KCNIP4: variants seen among roughly 807,000 people sequenced by gnomAD.
The protein encoded by KCNIP4 is Kv channel-interacting protein 4.
A neutral mutation model predicts 34.0 loss-of-function variants in KCNIP4; 12 were observed. The ratio of observed to expected loss-of-function variants is 0.35; its 90% confidence interval spans 0.23 to 0.57. KCNIP4 has a LOEUF of 0.57. Among genes scored for constraint, KCNIP4 ranks in the 20% least tolerant of loss-of-function variants. The pLI, the probability that KCNIP4 is intolerant of heterozygous loss-of-function variation, is 0.83. For missense variants in KCNIP4, 238 were observed against 311.7 expected, an observed-to-expected ratio of 0.76 and a Z score of 1.78; for synonymous variants, 124 against 102.2, an observed-to-expected ratio of 1.21 and a Z score of -1.29.
chr4:20,789,279 C>T (rs1712419722), intron 3 of KCNIP4, among the ~76,000 whole-genome samples: 1 of 152,034 alleles, frequency 6.6e-6, no homozygotes, highest in South Asian at 2.1e-4. Context: ...CCATTTTTAT[C>T]CTCTAAGAAA....
chr4:20,914,657 A>G (rs1025005020), intron 1 of KCNIP4, among the ~76,000 whole-genome samples: 2 of 152,104 alleles, frequency 1.3e-5, no homozygotes, highest in African/African-American at 4.8e-5. Flanking sequence ...GCACTTAGAG[A>G]TGTGTTGTTT....
intron 1 of KCNIP4, among the ~76,000 whole-genome samples, chr4:21,167,343 A>T (rs1011850000): frequency 4.6e-5 from 7 of 152,236 alleles, no homozygotes; most frequent in Non-Finnish European, 1.0e-4. Context: ...AATTTGTTGT[A>T]TGTCAAGTAT....
chr4:21,910,886 C>T (rs890965573), intron 1 of KCNIP4, among the ~76,000 whole-genome samples: 6 of 152,082 alleles, frequency 3.9e-5, no homozygotes, highest in Admixed American at 3.3e-4. Context: ...GGGGCCGAGG[C>T]CATTCATTTA....
intron 1 of KCNIP4, among the ~76,000 whole-genome samples, chr4:21,278,846 C>T (rs963859718): frequency 2.0e-5 from 3 of 152,030 alleles, no homozygotes; most frequent in Admixed American, 6.6e-5. Flanking sequence ...CAAAAAGATG[C>T]CATTTTTACT....
intron 1 of KCNIP4, among the ~76,000 whole-genome samples, chr4:21,655,218 C>T (rs557024367): frequency 6.6e-6 from 1 of 152,154 alleles, no homozygotes; most frequent in East Asian, 1.9e-4. Flanking sequence ...TGTTAAAATG[C>T]AGATTTATTT....
chr4:21,628,173 A>G (rs547690542), intron 1 of KCNIP4, among the ~76,000 whole-genome samples: 1 of 152,298 alleles, frequency 6.6e-6, no homozygotes, highest in African/African-American at 2.4e-5. Flanking sequence ...TTAGAAAAAG[A>G]TATTTCCCCA....
At chr4:21,945,798 G>A (rs1730480233) in intron 1 of KCNIP4, among the ~76,000 whole-genome samples, 1 of 151,662 alleles carries the variant, frequency 6.6e-6, no homozygotes. Flanking sequence ...TATAGCAGGA[G>A]TGCAAAATAT....
intron 1 of KCNIP4, among the ~76,000 whole-genome samples, chr4:21,330,147 G>A (rs546264478): frequency 1.3e-5 from 2 of 152,146 alleles, no homozygotes; most frequent in African/African-American, 2.4e-5. Context: ...GTGCAGTAGT[G>A]TTCAAAAGCA....
chr4:21,211,475 T>A (rs902685309), intron 1 of KCNIP4, among the ~76,000 whole-genome samples: 1 of 152,050 alleles, frequency 6.6e-6, no homozygotes, highest in Non-Finnish European at 1.5e-5. Context: ...ATGTGAGGGA[T>A]CCAGGTTGCA....
At chr4:21,000,969 A>T (rs1419696839) in intron 1 of KCNIP4, among the ~76,000 whole-genome samples, 2 of 152,162 alleles carry the variant, frequency 1.3e-5, no homozygotes, top group Non-Finnish European at 2.9e-5. Context: ...ACTTTTTAGC[A>T]ATTACCACTA....
intron 1 of KCNIP4, among the ~76,000 whole-genome samples, chr4:21,652,730 A>T (rs943718787): frequency 1.3e-5 from 2 of 152,192 alleles, no homozygotes; most frequent in Admixed American, 1.3e-4. Context: ...AGGCCAAAAG[A>T]TCACCAAAGA....
At chr4:21,032,434 A>T (rs10938826) in intron 1 of KCNIP4, among the ~76,000 whole-genome samples, 41,796 of 151,874 alleles carry the variant, frequency 0.28, 5,817 homozygotes, top group South Asian at 0.3. Flanking sequence ...TTTTCTTATA[A>T]CCCCTCTAAT....
intron 1 of KCNIP4, among the ~76,000 whole-genome samples, chr4:21,037,211 T>C (rs569974300): frequency 2.0e-5 from 3 of 152,216 alleles, no homozygotes; most frequent in African/African-American, 4.8e-5. Context: ...AGAAAAAATA[T>C]TCTTATAAAT....
chr4:21,855,889 G>C (rs919650034), intron 1 of KCNIP4, among the ~76,000 whole-genome samples: 1 of 152,058 alleles, frequency 6.6e-6, no homozygotes, highest in East Asian at 1.9e-4. Context: ...CTTCAAACTT[G>C]TCAATGAAAC....
chr4:21,797,289 T>C (rs550499068), intron 1 of KCNIP4, among the ~76,000 whole-genome samples: 1 of 152,260 alleles, frequency 6.6e-6, no homozygotes. Flanking sequence ...TACAGGTTTG[T>C]GCCACTGTGC....
At chr4:21,833,343 G>T (rs1439658405) in intron 1 of KCNIP4, among the ~76,000 whole-genome samples, 2 of 152,190 alleles carry the variant, frequency 1.3e-5, no homozygotes, top group African/African-American at 4.8e-5. Flanking sequence ...GATGGCAAGT[G>T]ATGGTGAGCA....
intron 1 of KCNIP4, among the ~76,000 whole-genome samples, chr4:21,412,241 A>G (rs1355749792): frequency 1.3e-5 from 2 of 152,154 alleles, no homozygotes; most frequent in Non-Finnish European, 2.9e-5. Context: ...GTTCCTGCTC[A>G]TACCATGTTC....
At chr4:21,445,064 C>T (rs564817929) in intron 1 of KCNIP4, among the ~76,000 whole-genome samples, 26 of 152,272 alleles carry the variant, frequency 1.7e-4, no homozygotes, top group Admixed American at 1.5e-3. Flanking sequence ...ATCCAACTTA[C>T]AAGGGATGTG....
chr4:21,828,606 T>A (rs973112324), intron 1 of KCNIP4, among the ~76,000 whole-genome samples: 2 of 151,194 alleles, frequency 1.3e-5, no homozygotes, highest in Non-Finnish European at 3.0e-5. Context: ...TAAAGCAGAA[T>A]AAAAAACAAA....
Sources: gnomAD v4.1 joint callset for allele counts (sites outside exome capture counted in the v4.1 genomes callset) on GRCh38, gnomAD v4.1.1 for gene constraint, MANE v1.5 for transcripts, NCBI Gene and HGNC (gene_info 2026-07-23, HGNC 2026-07-21) for gene names.